PARD3B: variants seen among roughly 807,000 people sequenced by gnomAD.
PARD3B encodes the protein partitioning defective 3 homolog B.
In PARD3B, 103 loss-of-function variants were observed where a neutral mutation model predicts 130.2. That is an observed-to-expected ratio of 0.79 (90% CI 0.67 to 0.93). The LOEUF is 0.93. PARD3B is among the 40% of genes least tolerant of loss of function. PARD3B has a pLI of 0.00. For synonymous variants in PARD3B, 583 were observed against 553.2 expected (o/e 1.05, Z -0.76); for missense variants, 1,609 against 1,499.2 (o/e 1.07, Z -1.21).
chr2:205,533,911 G>T (rs115208840), intron 21 of PARD3B, among the ~76,000 whole-genome samples: 1 of 152,116 alleles, frequency 6.6e-6, no homozygotes, highest in African/African-American at 2.4e-5. Flanking sequence ...AGTGTTTTAA[G>T]AGATGAAGAA....
intron 5 of PARD3B, among the ~76,000 whole-genome samples, chr2:205,106,092 T>C (rs769952104): frequency 6.6e-6 from 1 of 151,818 alleles, no homozygotes; most frequent in Non-Finnish European, 1.5e-5. Flanking sequence ...TACAGGGAAT[T>C]GAGAGAAATG....
intron 3 of PARD3B, among the ~76,000 whole-genome samples, chr2:204,998,337 T>TATAC (rs1358917101): frequency 1.4e-4 from 6 of 42,360 alleles, no homozygotes; most frequent in East Asian, 1.1e-3. Context: ...TATATATATA[T>TATAC]ATATATATAT....
chr2:204,819,869 G>A (rs1173087744), intron 2 of PARD3B, among the ~76,000 whole-genome samples: 4 of 152,018 alleles, frequency 2.6e-5, no homozygotes, highest in East Asian at 1.9e-4. Flanking sequence ...TCAGTTTAAC[G>A]AAGGCTGAGA....
chr2:205,028,360 A>G lies in PARD3B; in HGVS notation c.395-19221A>G, dbSNP rs1697180772. On this transcript the variant is annotated intron_variant, in intron 3 of 22. Transcript: ENST00000406610. Reference sequence around the variant, plus strand: ...CAGAAAAATTCAATATTCTTTCATAATTAAAAACTCTTAATAGATTATTTG... The same window carrying G: ...CAGAAAAATTCAATATTCTTTCATAGTTAAAAACTCTTAATAGATTATTTG... Among the ~76,000 whole-genome samples, 10 of 152,306 alleles carry G rather than the reference A, an allele frequency of 6.6e-5. 1 individual carries two copies. In the South Asian group the frequency reaches 2.1e-3, roughly 32 times the overall value.
At chr2:205,260,422 G>A (rs1188227504) in intron 16 of PARD3B, among the ~76,000 whole-genome samples, 1 of 152,120 alleles carries the variant, frequency 6.6e-6, no homozygotes, top group Admixed American at 6.5e-5. Context: ...TCTAGCTCCA[G>A]TTTAGTGTCT....
At chr2:204,936,680 C>T (rs2125790817) in intron 2 of PARD3B, among the ~76,000 whole-genome samples, 1 of 152,316 alleles carries the variant, frequency 6.6e-6, no homozygotes, top group East Asian at 1.9e-4. Context: ...AGTTCACAGT[C>T]AATCTCTTAA....
intron 15 of PARD3B, among the ~76,000 whole-genome samples, chr2:205,212,821 A>G (rs1463202089): frequency 6.6e-6 from 1 of 152,158 alleles, no homozygotes; most frequent in Non-Finnish European, 1.5e-5. Flanking sequence ...TAAAAAGATC[A>G]AGCCCTAATA....
At chr2:205,210,185 G>A (rs971750045) in intron 15 of PARD3B, among the ~76,000 whole-genome samples, 1 of 151,730 alleles carries the variant, frequency 6.6e-6, no homozygotes. Context: ...CAGCAACAAA[G>A]CAAGACCCCA....
At chr2:204,851,675 C>T (rs573578637) in intron 2 of PARD3B, among the ~76,000 whole-genome samples, 6 of 152,022 alleles carry the variant, frequency 3.9e-5, no homozygotes, top group African/African-American at 1.2e-4. Context: ...ATAAAATATA[C>T]GTTATCAACT....
chr2:205,504,222 C>T (rs1446174034), intron 21 of PARD3B, among the ~76,000 whole-genome samples: 2 of 152,104 alleles, frequency 1.3e-5, no homozygotes. Context: ...CCCTTCCTTA[C>T]ACCTTATACA....
rs2046294049 is a variant in PARD3B, at chr2:204,887,090, G to C, written c.223-78062G>C. ...TCAGCTTTTAGTTCCATCTGTTCAA[G>C]AATAGGTAAACTGAATCTCTTTGGT... On this transcript the variant is annotated intron_variant, in intron 2 of 22. Coordinates refer to ENST00000406610, the MANE Select transcript of PARD3B (RefSeq NM_001302769.2). This position sits in a 1 kb window ranked among gnomAD's most constrained non-coding sequence, Gnocchi z 4.2. Among the ~76,000 whole-genome samples the C allele has an allele frequency of 1.3e-5, 2 of 152,114 alleles. No homozygotes were observed. Among genetic ancestry groups the C allele is most frequent in the South Asian group, 4.1e-4 (2 of 4,828 alleles).
In PARD3B at chr2:205,327,006, A is replaced by G. The variant is rs138650756; in HGVS notation, c.2630+25305A>G. On this transcript the variant is annotated intron_variant, in intron 18 of 22. Coordinates refer to ENST00000406610, the MANE Select transcript of PARD3B (RefSeq NM_001302769.2). ...ACTTCTGACACCAAATAGTTCTGTA[A>G]TGTAGGGTCTTTAACTTTTGATATC... Among the ~76,000 whole-genome samples the G allele has an allele frequency of 6.7e-3, 1,026 of 152,326 alleles. 4 individuals are homozygous for G. Among genetic ancestry groups the G allele is most frequent in the Non-Finnish European group, 0.011 (716 of 68,020 alleles).
chr2:205,586,706 A>G (rs2106586895), intron 22 of PARD3B, among the ~76,000 whole-genome samples: 1 of 152,236 alleles, frequency 6.6e-6, no homozygotes, highest in South Asian at 2.1e-4. Context: ...CATACATTCT[A>G]AGTCACAATT....
At chr2:204,581,113 G>C (rs2032532309) in intron 1 of PARD3B, among the ~76,000 whole-genome samples, 1 of 152,104 alleles carries the variant, frequency 6.6e-6, no homozygotes, top group Non-Finnish European at 1.5e-5. Flanking sequence ...ACTATTACAG[G>C]CATGAAGCAC....
At chr2:205,068,954 C>G (rs1026566567) in intron 4 of PARD3B, among the ~76,000 whole-genome samples, 1 of 151,898 alleles carries the variant, frequency 6.6e-6, no homozygotes, top group Non-Finnish European at 1.5e-5. Flanking sequence ...TGTAAACATT[C>G]AACATGTAGT....
intron 3 of PARD3B, among the ~76,000 whole-genome samples, chr2:204,987,863 G>T (rs1263540059): frequency 6.6e-6 from 1 of 152,016 alleles, no homozygotes; most frequent in African/African-American, 2.4e-5. Flanking sequence ...CTTTTTGGGG[G>T]GAATTCATGG....
chr2:205,047,925 T>C (rs1189549966), intron 4 of PARD3B: 1 of 331,980 alleles, frequency 3.0e-6, no homozygotes, highest in Admixed American at 4.8e-5. Context: ...CTGTTTTATA[T>C]TAAGTCATCT....
At chr2:204,600,831 G>A (rs1433624710) in intron 1 of PARD3B, among the ~76,000 whole-genome samples, 2 of 151,752 alleles carry the variant, frequency 1.3e-5, no homozygotes, top group African/African-American at 4.8e-5. Context: ...GAGTTATATA[G>A]AATGTAATAT....
intron 3 of PARD3B, among the ~76,000 whole-genome samples, chr2:204,966,356 G>A (rs1250191126): frequency 1.3e-5 from 2 of 152,092 alleles, no homozygotes; most frequent in African/African-American, 2.4e-5. Context: ...TTTTGGAACC[G>A]AGCTAGTGAA....
Sources: gnomAD v4.1 joint callset for allele counts (sites outside exome capture counted in the v4.1 genomes callset) on GRCh38, gnomAD v4.1.1 for gene constraint, Gnocchi (gnomAD v3.1) non-coding constraint, MANE v1.5 for transcripts, NCBI Gene and HGNC (gene_info 2026-07-23, HGNC 2026-07-21) for gene names.